The following RBFOX1 variants were observed in gnomAD, a reference collection of about 807,000 sequenced individuals.
RBFOX1 encodes RNA binding fox-1 homolog 1.
Under a neutral mutation model 57.7 loss-of-function variants are expected in RBFOX1, and 8 were observed. That is an observed-to-expected ratio of 0.14 (90% CI 0.08 to 0.25). RBFOX1 has a LOEUF of 0.25. Ranked by LOEUF, RBFOX1 falls within the 10% of genes least tolerant of loss-of-function variation. The pLI, the probability that RBFOX1 is intolerant of heterozygous loss-of-function variation, is 1.00. For missense variants in RBFOX1, 611 were observed against 548.5 expected (o/e 1.11, Z -1.14); for synonymous variants, 326 against 222.4 (o/e 1.47, Z -4.15).
rs189566522 is a variant in RBFOX1 at position 7,541,473 on chromosome 16, T to C, written c.270+23084T>C. On this transcript the variant is annotated intron_variant, in intron 5 of 15. Coordinates refer to ENST00000550418, the MANE Select transcript of RBFOX1 (RefSeq NM_018723.4). The stretch of plus-strand genomic sequence containing the variant: ...TTTGTTTTTATCAGGTTTTTTTTTT[T>C]CCCGACTTTTATCTCACTCAGAGTG... Among the ~76,000 whole-genome samples the C allele has an allele frequency of 2.8e-3, 430 of 152,118 alleles. 5 individuals are homozygous for C. Among genetic ancestry groups the C allele is most frequent in the African/African-American group, 9.1e-3 (376 of 41,492 alleles).
chr16:5,914,441 A>T (rs1320033931), intron 4 of RBFOX1, among the ~76,000 whole-genome samples: 1 of 152,074 alleles, frequency 6.6e-6, no homozygotes, highest in Non-Finnish European at 1.5e-5. Context: ...TCCCCTTCCA[A>T]GTTCATTCAT....
chr16:6,866,712 T>G (rs967395687), intron 3 of RBFOX1, among the ~76,000 whole-genome samples: 2 of 151,784 alleles, frequency 1.3e-5, no homozygotes, highest in Non-Finnish European at 1.5e-5. Flanking sequence ...TGGCTGATTT[T>G]TTTGTATTTT....
At chr16:7,504,656 G>A (rs1482349133) in intron 4 of RBFOX1, among the ~76,000 whole-genome samples, 2 of 139,166 alleles carry the variant, frequency 1.4e-5, no homozygotes, top group South Asian at 2.2e-4. Context: ...TCTGTGAAGT[G>A]GGTGTGCTGA....
chr16:7,313,145 A>G (rs539668542), intron 4 of RBFOX1, among the ~76,000 whole-genome samples: 84 of 152,176 alleles, frequency 5.5e-4, no homozygotes, highest in Admixed American at 1.4e-3. Flanking sequence ...TGGAAACACA[A>G]AAGCGCCTCC....
intron 4 of RBFOX1, among the ~76,000 whole-genome samples, chr16:7,424,710 T>C (rs1488623069): frequency 2.6e-5 from 4 of 152,218 alleles, no homozygotes; most frequent in African/African-American, 4.8e-5. Flanking sequence ...TGGAAGGGGA[T>C]ACAATTTCAG....
chr16:6,686,614 A>C (rs1037972449), intron 3 of RBFOX1, among the ~76,000 whole-genome samples: 1 of 152,216 alleles, frequency 6.6e-6, no homozygotes, highest in African/African-American at 2.4e-5. Flanking sequence ...TGGAGTTGAT[A>C]GAGCTTCCCC....
intron 1 of RBFOX1, among the ~76,000 whole-genome samples, chr16:5,241,649 C>T (rs1278106558): frequency 1.3e-5 from 2 of 152,188 alleles, no homozygotes; most frequent in South Asian, 4.1e-4. Context: ...GCCCCATTGC[C>T]TGGGGTTGTT....
chr16:6,531,829 A>C (rs571381433), intron 2 of RBFOX1, among the ~76,000 whole-genome samples: 1 of 152,190 alleles, frequency 6.6e-6, no homozygotes, highest in African/African-American at 2.4e-5. Context: ...CACTGCAGTT[A>C]ATTACAGGGA....
intron 4 of RBFOX1, among the ~76,000 whole-genome samples, chr16:7,108,163 G>A (rs1002886580): frequency 4.6e-5 from 7 of 152,074 alleles, no homozygotes; most frequent in African/African-American, 1.7e-4. Context: ...AATTGTGCTC[G>A]ACACAATTTA....
chr16:6,918,053 G>C (rs1187307416), intron 3 of RBFOX1, among the ~76,000 whole-genome samples: 1 of 152,112 alleles, frequency 6.6e-6, no homozygotes, highest in Non-Finnish European at 1.5e-5. Context: ...TTGGGAGGTC[G>C]AGGCGGGTGG....
chr16:6,153,295 C>T (rs1597837362), intron 1 of RBFOX1, among the ~76,000 whole-genome samples: 1 of 152,034 alleles, frequency 6.6e-6, no homozygotes, highest in Non-Finnish European at 1.5e-5. Context: ...AAATTTTCAA[C>T]AATGGAAACA....
At chr16:5,656,241 C>A (rs770570520) in intron 3 of RBFOX1, among the ~76,000 whole-genome samples, 1 of 152,022 alleles carries the variant, frequency 6.6e-6, no homozygotes, top group Non-Finnish European at 1.5e-5. Flanking sequence ...AAAGTGTGAA[C>A]AGTAATAGCT....
intron 3 of RBFOX1, among the ~76,000 whole-genome samples, chr16:7,035,914 A>C (rs908085532): frequency 9.2e-5 from 14 of 152,218 alleles, no homozygotes; most frequent in African/African-American, 2.9e-4. Flanking sequence ...ACAGAGCAAC[A>C]GTCACCACCA....
chr16:5,658,215 G>C (rs1002086883), intron 3 of RBFOX1, among the ~76,000 whole-genome samples: 2 of 152,138 alleles, frequency 1.3e-5, no homozygotes, highest in African/African-American at 4.8e-5. Flanking sequence ...CTTCTCTTTT[G>C]TTACTGGAGA....
Position 5,798,845 on chromosome 16 carries a change from C to T in RBFOX1, c.319-68458C>T, listed in dbSNP as rs564439631. Among the ~76,000 whole-genome samples, 223 of 152,168 alleles carry T rather than the reference C, an allele frequency of 1.5e-3. 1 individual carries two copies. Among genetic ancestry groups the T allele is most frequent in the African/African-American group, 4.8e-3 (200 of 41,508 alleles). ...TGCCTTTTATGGGCACTACATAAAC[C>T]CCTCCAGCGTCAGCTTGGGTGTAGC... On this transcript the variant is annotated intron_variant, in intron 3 of 19. Transcript: ENST00000641259.
chr16:6,297,108 T>G (rs113399246), intron 1 of RBFOX1, among the ~76,000 whole-genome samples: 14,805 of 152,152 alleles, frequency 0.097, 1,208 homozygotes, highest in African/African-American at 0.21. Flanking sequence ...ATGGTGCTGG[T>G]GGGAGTGTAG....
chr16:6,237,642 T>TG (rs1193700387), intron 1 of RBFOX1, among the ~76,000 whole-genome samples: 4 of 150,684 alleles, frequency 2.7e-5, no homozygotes, highest in African/African-American at 9.8e-5. Context: ...CTTGGGAGGG[T>TG]GGGGAAGAGA....
At chr16:7,671,283 ATCTTTTTCT>A (rs2071344995) in intron 13 of RBFOX1, among the ~76,000 whole-genome samples, 1 of 152,240 alleles carries the variant, frequency 6.6e-6, no homozygotes, top group African/African-American at 2.4e-5. Context: ...CCATGAAATT[ATCTTTTTCT>A]TCTTTAGAAA....
intron 3 of RBFOX1, among the ~76,000 whole-genome samples, chr16:6,896,601 C>A (rs533693874): frequency 6.6e-6 from 1 of 152,186 alleles, no homozygotes; most frequent in Non-Finnish European, 1.5e-5. Flanking sequence ...GAGAGGATCT[C>A]ATCCTCTGCT....
Sources: gnomAD v4.1 joint callset for allele counts (sites outside exome capture counted in the v4.1 genomes callset) on GRCh38, gnomAD v4.1.1 for gene constraint, MANE v1.5 for transcripts, NCBI Gene and HGNC (gene_info 2026-07-23, HGNC 2026-07-21) for gene names.